UNC80: variants seen among roughly 807,000 people sequenced by gnomAD.
UNC80 encodes unc-80 subunit of NALCN channel complex, also known as protein unc-80 homolog.
In UNC80, 164 loss-of-function variants were observed where a neutral mutation model predicts 384.6. That is an observed-to-expected ratio of 0.43 (90% CI 0.38 to 0.49). UNC80 has a LOEUF of 0.49. Ranked by LOEUF, UNC80 falls within the 20% of genes least tolerant of loss-of-function variation. The pLI is 0.00. For synonymous variants in UNC80, 1,486 were observed against 1,527.8 expected (o/e 0.97, Z 0.64); for missense variants, 3,330 against 4,143.0 (o/e 0.80, Z 5.39).
chr2:209,872,242 C>G lies in UNC80; in HGVS notation c.3628-516C>G, dbSNP rs2084365875. Among the ~76,000 whole-genome samples, 2 of 152,074 alleles carry G rather than the reference C, an allele frequency of 1.3e-5. No homozygotes were observed. Among genetic ancestry groups the G allele is most frequent in the South Asian group, 4.2e-4 (2 of 4,814 alleles). On this transcript the variant is annotated intron_variant, in intron 22 of 64. Transcript: ENST00000673920. The surrounding 1 kb of genome is among the most constrained non-coding windows in gnomAD (Gnocchi z 4.1). ...TTCTTTTTTTAATAGCCAAAATGTG[C>G]AGAACCAATTTTACCTCTTTGGAAC...
intron 35 of UNC80, among the ~76,000 whole-genome samples, chr2:209,923,385 A>C (rs529458386): frequency 1.8e-4 from 28 of 152,186 alleles, no homozygotes; most frequent in Non-Finnish European, 3.4e-4. Flanking sequence ...TGTGTAATCA[A>C]CTTTGAGTTA....
At chr2:209,808,239 T>C (rs539462932) in intron 7 of UNC80, among the ~76,000 whole-genome samples, 1 of 152,258 alleles carries the variant, frequency 6.6e-6, no homozygotes, top group South Asian at 2.1e-4. Context: ...GCGTATCTTC[T>C]CAGTTACGGT....
intron 18 of UNC80, among the ~76,000 whole-genome samples, chr2:209,835,450 A>C (rs1485754153): frequency 6.6e-6 from 1 of 152,236 alleles, no homozygotes; most frequent in African/African-American, 2.4e-5. Context: ...CTTTAGCTGA[A>C]ACATAGACTG....
intron 22 of UNC80, among the ~76,000 whole-genome samples, chr2:209,866,538 AGAGAG>A (rs2083841302): frequency 8.1e-6 from 1 of 123,362 alleles, no homozygotes; most frequent in African/African-American, 4.4e-5. Flanking sequence ...ACACACAGAG[AGAGAG>A]AGAGAGAGAG....
In UNC80 at chr2:209,896,150, G is replaced by A. The variant is rs189037361; in HGVS notation, c.4481-163G>A. ...AGTTCAGCTGGTGGTGAAGGGGACAGCTCCTGTTAATATTCCTCCAACAAA... is the reference window on the plus strand; with the variant it reads ...AGTTCAGCTGGTGGTGAAGGGGACAACTCCTGTTAATATTCCTCCAACAAA... On this transcript the variant is annotated intron_variant, in intron 27 of 64. Transcript: ENST00000673920. Among the ~76,000 whole-genome samples the A allele has an allele frequency of 2.0e-5, 3 of 152,256 alleles. No homozygotes were observed. In the East Asian group the frequency reaches 5.8e-4, roughly 29 times the overall value.
rs1575067300 is a variant in UNC80, at chr2:209,934,100, T to G, written c.6178+95T>G. 5 of 1,271,604 alleles carry G rather than the reference T, an allele frequency of 3.9e-6. 1 individual carries two copies. The Middle Eastern group carries it at 8.5e-4, about 216-fold the overall frequency. The allele number at this position is 1,271,604 out of a possible 1,614,324, so 78.8% of individuals were successfully genotyped here. On this transcript the variant is annotated intron_variant, in intron 39 of 64. Transcript: ENST00000673920. ...GAGTCTCTTTCATTCATGAGAAAAT[T>G]TTCAGAGTTCTAACCCCCAGTATTG...
chr2:209,924,699 A>G (rs1475261691), intron 35 of UNC80, among the ~76,000 whole-genome samples: 1 of 151,770 alleles, frequency 6.6e-6, no homozygotes, highest in Non-Finnish European at 1.5e-5. Context: ...GCCTTTTAAG[A>G]TTTTTGTCAG....
chr2:209,939,361 C>T (rs1017854109), intron 42 of UNC80, 111 bp from the exon 43 acceptor site: 34 of 1,161,574 alleles, frequency 2.9e-5, no homozygotes, highest in South Asian at 1.5e-4. Flanking sequence ...TCCCCTTTTC[C>T]GACTTTATCA....
chr2:209,939,375 C>T, intron 42 of UNC80, 97 bp from the exon 43 acceptor site: 1 of 1,258,266 alleles, frequency 7.9e-7, no homozygotes, highest in Middle Eastern at 2.6e-4. Flanking sequence ...TTTATCAACC[C>T]AGTTTGCCAT....
chr2:209,980,640 T>TCGGGTA (rs1336696783), intron 59 of UNC80, among the ~76,000 whole-genome samples: 1 of 152,204 alleles, frequency 6.6e-6, no homozygotes, highest in East Asian at 1.9e-4. Context: ...CAGACTTGTA[T>TCGGGTA]TAAGGCCTAT....
At chr2:209,821,027 A>C (rs751975229) in intron 13 of UNC80, among the ~76,000 whole-genome samples, 17 of 152,232 alleles carry the variant, frequency 1.1e-4, no homozygotes, top group Non-Finnish European at 2.2e-4. Context: ...TAATTGAAGA[A>C]TGTCTTAGTC....
chr2:209,866,490 CCACACA>C (rs71409845), intron 22 of UNC80, among the ~76,000 whole-genome samples: 8 of 107,642 alleles, frequency 7.4e-5, no homozygotes, highest in East Asian at 5.9e-4. Context: ...AAATGCACCC[CCACACA>C]CACACACACA....
In UNC80 at chr2:209,995,381, A is replaced by G. The variant is rs755648237; in HGVS notation, c.9761A>G (p.Gln3254Arg). Residue 3254 changes from glutamine (Q) to arginine (R), a missense_variant, in exon 65 of 65, where the codon CAA becomes CGA. By Grantham distance (43) the Gln-to-Arg change is conservative. Around this residue, in one of 8 missense-constraint regions of UNC80, gnomAD observed 236 missense variants for 254.9 expected, o/e 0.93. Coordinates refer to ENST00000673920, the MANE Select transcript of UNC80 (RefSeq NM_001371986.1). The stretch of plus-strand genomic sequence containing the variant: ...GAAAAGGAGGAGGACACAGAAGCAC[A>G]AGGTGCTACTGCACACAGTCCACTC... ...EGEKEEDTEA[Q>R]GATAHSPLSA... The G allele has an allele frequency of 2.8e-5, 43 of 1,552,058 alleles. No homozygotes were observed. Among genetic ancestry groups the G allele is most frequent in the Non-Finnish European group, 3.6e-5 (41 of 1,147,096 alleles).
chr2:209,993,879 A>T (rs1424143658), intron 63 of UNC80, among the ~76,000 whole-genome samples, 186 bp from the exon 64 acceptor site: 1 of 152,162 alleles, frequency 6.6e-6, no homozygotes. Flanking sequence ...CGTAAGTCTT[A>T]CTCTTTGTAA....
Position 209,894,368 on chromosome 2 carries a change from T to C in UNC80, c.4480+2T>C. ...GCAGGGACACTGTCACTGACCTAGG[T>C]AACATAGAGGAGTGGGGTGTGCAGG... On this transcript the variant is annotated splice_donor_variant, in intron 27 of 64. Transcript: ENST00000673920. LOFTEE classifies it high-confidence loss of function. 1.0e-6 allele frequency: 1 copy of C among 985,038 alleles called. No homozygotes were observed. Among genetic ancestry groups the C allele is most frequent in the South Asian group, 4.7e-5 (1 of 21,270 alleles). The allele number at this position is 985,038 out of a possible 1,614,324, so 61.0% of individuals were successfully genotyped here. A position where few individuals can be genotyped will look rare whatever the true frequency, so the allele number is the denominator to read the frequency against.
chr2:209,828,337 CTTGT>C (rs2080695967), intron 14 of UNC80, among the ~76,000 whole-genome samples: 1 of 152,034 alleles, frequency 6.6e-6, no homozygotes, highest in Non-Finnish European at 1.5e-5. Flanking sequence ...TATCTGGAAA[CTTGT>C]AAACTCCCTG....
At chr2:209,810,946 TG>T (rs1323530204) in intron 7 of UNC80, among the ~76,000 whole-genome samples, 3 of 149,732 alleles carry the variant, frequency 2.0e-5, no homozygotes, top group African/African-American at 4.9e-5. Flanking sequence ...AGCATGGGGG[TG>T]GGGGGAAGGA....
At chr2:209,844,551 T>C (rs11270377) in intron 21 of UNC80, among the ~76,000 whole-genome samples, 4,812 of 115,636 alleles carry the variant, frequency 0.042, 149 homozygotes, top group Middle Eastern at 0.18. Context: ...TTCCTTCCTT[T>C]TTCTTTCCAA....
At chr2:209,834,629 A>G (rs962046376) in intron 17 of UNC80, among the ~76,000 whole-genome samples, 2 of 152,206 alleles carry the variant, frequency 1.3e-5, no homozygotes, top group Non-Finnish European at 2.9e-5. Flanking sequence ...TGCCTATTGT[A>G]TATTAAATGC....
Sources: gnomAD v4.1 joint callset for allele counts (sites outside exome capture counted in the v4.1 genomes callset) on GRCh38, gnomAD v4.1.1 for gene constraint, gnomAD v4.1.1 regional missense constraint, Gnocchi (gnomAD v3.1) non-coding constraint, MANE v1.5 for transcripts, NCBI Gene and HGNC (gene_info 2026-07-23, HGNC 2026-07-21) for gene names.